Variants in MGST2 observed in about 807,000 individuals in gnomAD.
The protein encoded by MGST2 is glutathione peroxidase MGST2.
MGST2 carries 9 observed loss-of-function variants against 16.6 expected under a neutral mutation model. The observed-to-expected ratio is 0.54, with a 90% CI of 0.33 to 0.95. MGST2 has a LOEUF of 0.95. Ranked by LOEUF, MGST2 falls within the 40% of genes least tolerant of loss-of-function variation. The pLI, the probability that MGST2 is intolerant of heterozygous loss-of-function variation, is 0.03. For synonymous variants in MGST2, 79 were observed against 68.0 expected, an observed-to-expected ratio of 1.16 and a Z score of -0.79; for missense variants, 159 against 175.1, an observed-to-expected ratio of 0.91 and a Z score of 0.52.
chr4:139,730,656 T>C (rs1277161267), intron 5 of MGST2: 1 of 1,611,998 alleles, frequency 6.2e-7, no homozygotes, highest in African/African-American at 1.3e-5. Context: ...GAAGTCCAAC[T>C]GGATGCTGCT....
intron 5 of MGST2, among the ~76,000 whole-genome samples, chr4:139,723,888 C>T (rs898946204): frequency 9.2e-5 from 14 of 152,276 alleles, no homozygotes; most frequent in South Asian, 4.1e-4. Context: ...TCTCAAGCCC[C>T]GCTTCAGATT....
chr4:139,720,627 A>C (rs1728196998), intron 5 of MGST2, among the ~76,000 whole-genome samples: 1 of 152,214 alleles, frequency 6.6e-6, no homozygotes, highest in Admixed American at 6.5e-5. Flanking sequence ...TTGGGATCGT[A>C]CTGTGCATGT....
At chr4:139,707,615 C>T (rs1233487989), downstream of MGST2, among the ~76,000 whole-genome samples, 1 of 150,946 alleles carries the variant, frequency 6.6e-6, no homozygotes, top group Non-Finnish European at 1.5e-5. Flanking sequence ...GTTCTAGATC[C>T]CTGAGGAATC....
At chr4:139,749,896 C>A in the MGST2 span, among the ~76,000 whole-genome samples, 1 of 134,104 alleles carries the variant, frequency 7.5e-6, no homozygotes, top group Non-Finnish European at 1.6e-5. Flanking sequence ...CCCCCCCCCA[C>A]CCTATTCTGC....
At chr4:139,703,990 T>C (rs187294701) in intron 4 of MGST2, 26 bp from the exon 5 acceptor site, 1 of 1,613,942 alleles carries the variant, frequency 6.2e-7, no homozygotes, top group East Asian at 2.2e-5. Flanking sequence ...AGTTTGTCAC[T>C]TTTCTCCCTC....
At chr4:139,672,870 A>G (rs565454866) in intron 1 of MGST2, among the ~76,000 whole-genome samples, 112 of 152,228 alleles carry the variant, frequency 7.4e-4, no homozygotes, top group Middle Eastern at 6.8e-3. Context: ...TACACACTTT[A>G]GATATTCAGT....
chr4:139,742,036 T>A (rs186456257), downstream of MGST2, among the ~76,000 whole-genome samples: 3 of 151,894 alleles, frequency 2.0e-5, no homozygotes, highest in Admixed American at 1.3e-4. Flanking sequence ...CTCAAAGAGG[T>A]CTAACACAGC....
chr4:139,734,596 T>C (rs755055628), intron 5 of MGST2, among the ~76,000 whole-genome samples: 1 of 152,192 alleles, frequency 6.6e-6, no homozygotes, highest in Non-Finnish European at 1.5e-5. Flanking sequence ...TCTTAGCAAT[T>C]TTCTAAAGGC....
At chr4:139,686,645 A>C (rs1162504839) in intron 2 of MGST2, among the ~76,000 whole-genome samples, 2 of 152,194 alleles carry the variant, frequency 1.3e-5, no homozygotes. Context: ...ATTTATTTTT[A>C]TACTTAACCT....
the MGST2 span, among the ~76,000 whole-genome samples, chr4:139,745,960 C>T: frequency 5.7e-3 from 864 of 152,322 alleles, 6 homozygotes; most frequent in African/African-American, 0.02. Flanking sequence ...TAACTTGTTT[C>T]TCCAACTTTC....
Position 139,665,895 on chromosome 4 carries a change from C to A in MGST2, c.-125C>A. On this transcript the variant is annotated 5_prime_UTR_variant, in exon 1 of 5. Transcript: ENST00000265498. ...TTCCAGAGCAAAGGTCATTCAGCCG[C>A]TTGAATCAGCCTTTTCCCCCCACCC... The A allele has an allele frequency of 1.1e-6, 1 of 929,570 alleles. No homozygotes were observed. Among genetic ancestry groups the A allele is most frequent in the Non-Finnish European group, 1.7e-6 (1 of 577,598 alleles). 57.6% of individuals were successfully genotyped at this position (929,570 alleles called of 1,614,324 possible).
At chr4:139,678,823 G>T in intron 2 of MGST2, 181 bp downstream of exon 2, 1 of 646,006 alleles carries the variant, frequency 1.5e-6, no homozygotes. Flanking sequence ...TTCGGGGCAT[G>T]AAGTCTCTGC....
In MGST2 at chr4:139,666,034, G is replaced by A. The variant is rs757863653; in HGVS notation, c.15G>A (p.Ser5=). MAGN[S]ILLAAVSILS... The stretch of plus-strand genomic sequence containing the variant: ...CCGTGAGAAAGATGGCCGGGAACTC[G>A]ATCCTGCTGGCTGCTGTCTCTATTC... The change falls in exon 1 of 5, where the codon TCG becomes TCA. Residue 5 remains serine (S), a synonymous_variant. Coordinates refer to ENST00000265498, the MANE Select transcript of MGST2 (RefSeq NM_002413.5). 5.0e-6 allele frequency: 8 copies of A among 1,614,082 alleles called. No individual in the cohort carries two copies. The highest frequency in any genetic ancestry group is 5.9e-6 in the Non-Finnish European group (7 of 1,180,022).
At chr4:139,750,772 G>A in the MGST2 span, among the ~76,000 whole-genome samples, 5 of 152,278 alleles carry the variant, frequency 3.3e-5, no homozygotes, top group South Asian at 2.1e-4. Flanking sequence ...AAAAGTTAGC[G>A]ATAGATTTTC....
At chr4:139,728,678 C>G (rs1285213854) in intron 5 of MGST2, among the ~76,000 whole-genome samples, 1 of 152,178 alleles carries the variant, frequency 6.6e-6, no homozygotes, top group Admixed American at 6.5e-5. Context: ...CCTTGTCTTT[C>G]CCAAGAAGCC....
chr4:139,723,591 A>C (rs1215035173), intron 5 of MGST2, among the ~76,000 whole-genome samples: 1 of 152,112 alleles, frequency 6.6e-6, no homozygotes, highest in East Asian at 1.9e-4. Flanking sequence ...GGATTACAGG[A>C]GTGAGCAACT....
At chr4:139,668,024 G>A (rs554551929) in intron 1 of MGST2, among the ~76,000 whole-genome samples, 1 of 152,316 alleles carries the variant, frequency 6.6e-6, no homozygotes, top group South Asian at 2.1e-4. Context: ...ACATTTTAGG[G>A]AGACATAAGA....
chr4:139,683,100 G>A (rs762925285), intron 2 of MGST2, among the ~76,000 whole-genome samples: 1 of 152,168 alleles, frequency 6.6e-6, no homozygotes, highest in Non-Finnish European at 1.5e-5. Context: ...TCTCCCTCAG[G>A]GTGGCAAGTT....
chr4:139,720,435 C>T, intron 5 of MGST2: 4 of 880,418 alleles, frequency 4.5e-6, no homozygotes, highest in Non-Finnish European at 6.5e-6. Flanking sequence ...ATGAAAGGAT[C>T]TACTCTGATA....
Sources: gnomAD v4.1 joint callset for allele counts (sites outside exome capture counted in the v4.1 genomes callset) on GRCh38, gnomAD v4.1.1 for gene constraint, MANE v1.5 for transcripts, NCBI Gene and HGNC (gene_info 2026-07-23, HGNC 2026-07-21) for gene names.